Variants in KCND3 observed in about 807,000 individuals in gnomAD.
KCND3 encodes the protein potassium voltage-gated channel subfamily D member 3, also known as A-type voltage-gated potassium channel KCND3.
KCND3 carries 9 observed loss-of-function variants against 51.1 expected under a neutral mutation model. The ratio of observed to expected loss-of-function variants is 0.18; its 90% confidence interval spans 0.11 to 0.31. The LOEUF is 0.31. Ranked by LOEUF, KCND3 falls within the 10% of genes least tolerant of loss-of-function variation. The probability of loss-of-function intolerance (pLI) is 1.00; values close to 1 mark genes in which losing one functional copy is unlikely to be tolerated. For missense variants in KCND3, 526 were observed against 903.8 expected (o/e 0.58, Z 5.36); for synonymous variants, 349 against 368.0 (o/e 0.95, Z 0.59).
chr1:111,901,981 G>A (rs984731084), intron 2 of KCND3, among the ~76,000 whole-genome samples: 14 of 152,164 alleles, frequency 9.2e-5, no homozygotes, highest in African/African-American at 3.4e-4. Flanking sequence ...ACTCCATTAG[G>A]CAGCAACAAA....
rs554581268 is a variant in KCND3 at position 111,808,628 on chromosome 1, A to T, written c.1107-21522T>A. 2.6e-5 allele frequency among the ~76,000 whole-genome samples: 4 copies of T among 152,368 alleles called. No homozygotes were observed. In the South Asian group the frequency reaches 8.3e-4, roughly 32 times the overall value. ...AAATACCTCAGTGTTCATGGTAAAC[A>T]GGGAGCATGCACAAGCCCTCTCAGG... On this transcript the variant is annotated intron_variant, in intron 2 of 7. Coordinates refer to ENST00000302127, the MANE Select transcript of KCND3 (RefSeq NM_001378969.1).
intron 2 of KCND3, among the ~76,000 whole-genome samples, chr1:111,863,332 TA>T (rs56387776): frequency 0.9 from 133,761 of 147,904 alleles, 60,695 homozygotes; most frequent in East Asian, 1. Flanking sequence ...TAGGAAACAG[TA>T]AAAAAAAAAA....
At chr1:111,808,594 G>A (rs1388529970) in intron 2 of KCND3, among the ~76,000 whole-genome samples, 2 of 152,302 alleles carry the variant, frequency 1.3e-5, no homozygotes, top group African/African-American at 2.4e-5. Flanking sequence ...GCAGACTAAA[G>A]GTCACAATAA....
chr1:111,945,669 G>A (rs769500701), intron 2 of KCND3, among the ~76,000 whole-genome samples: 4 of 152,196 alleles, frequency 2.6e-5, no homozygotes, highest in Non-Finnish European at 5.9e-5. Context: ...AAGTTCCAGG[G>A]CTCTTGCCTC....
intron 2 of KCND3, among the ~76,000 whole-genome samples, chr1:111,831,013 G>T (rs950396590): frequency 1.3e-5 from 2 of 152,202 alleles, no homozygotes; most frequent in Non-Finnish European, 2.9e-5. Context: ...CATGAATTTT[G>T]TGACTAAACA....
At chr1:111,816,791 C>A (rs967908150) in intron 2 of KCND3, among the ~76,000 whole-genome samples, 1 of 152,186 alleles carries the variant, frequency 6.6e-6, no homozygotes. Flanking sequence ...GATTAAGGAG[C>A]TTATATTTTT....
At chr1:111,969,143 G>C (rs763880335) in intron 2 of KCND3, among the ~76,000 whole-genome samples, 1 of 151,792 alleles carries the variant, frequency 6.6e-6, no homozygotes, top group Admixed American at 6.6e-5. Flanking sequence ...TGCCTGCCAC[G>C]GGTGTCCATA....
At chr1:111,904,745 A>T (rs1230345182) in intron 2 of KCND3, among the ~76,000 whole-genome samples, 10 of 152,158 alleles carry the variant, frequency 6.6e-5, no homozygotes, top group African/African-American at 2.2e-4. Context: ...CCTTATCTGC[A>T]CCTGCCGCCG....
intron 1 of KCND3, among the ~76,000 whole-genome samples, chr1:111,986,076 A>C (rs764326034): frequency 6.6e-6 from 1 of 152,194 alleles, no homozygotes; most frequent in African/African-American, 2.4e-5. Flanking sequence ...TAGGATTAGG[A>C]GACTTAGTAG....
intron 3 of KCND3, among the ~76,000 whole-genome samples, chr1:111,783,264 C>T (rs1027395244): frequency 1.3e-5 from 2 of 150,480 alleles, no homozygotes; most frequent in Admixed American, 1.3e-4. Context: ...AGGCAGTGGA[C>T]GATCAAGACT....
chr1:111,940,624 C>T (rs1021851693), intron 2 of KCND3, among the ~76,000 whole-genome samples: 4 of 152,200 alleles, frequency 2.6e-5, no homozygotes, highest in African/African-American at 9.7e-5. Flanking sequence ...GCTTTGCTTA[C>T]TGTAGCCTCC....
intron 2 of KCND3, among the ~76,000 whole-genome samples, chr1:111,812,492 C>T (rs984495479): frequency 6.6e-6 from 1 of 152,194 alleles, no homozygotes; most frequent in Non-Finnish European, 1.5e-5. Flanking sequence ...ACAAAGTAGA[C>T]AATCATAAAA....
At chr1:111,895,465 C>T (rs973809546) in intron 2 of KCND3, among the ~76,000 whole-genome samples, 1 of 152,188 alleles carries the variant, frequency 6.6e-6, no homozygotes, top group Non-Finnish European at 1.5e-5. Context: ...TATTTGGAGA[C>T]GAAGCAAAAA....
chr1:111,799,576 T>C (rs1309706187), intron 2 of KCND3, among the ~76,000 whole-genome samples: 1 of 152,190 alleles, frequency 6.6e-6, no homozygotes, highest in Admixed American at 6.5e-5. Context: ...AAGAAGTTCT[T>C]GTACCTGAGT....
intron 2 of KCND3, among the ~76,000 whole-genome samples, chr1:111,947,417 G>A (rs1488381970): frequency 3.3e-5 from 5 of 152,210 alleles, no homozygotes; most frequent in Admixed American, 3.3e-4. Flanking sequence ...ACTTTAAAAT[G>A]TATAATGTAC....
chr1:111,953,646 G>A (rs1276265837), intron 2 of KCND3, among the ~76,000 whole-genome samples: 1 of 152,236 alleles, frequency 6.6e-6, no homozygotes, highest in African/African-American at 2.4e-5. Flanking sequence ...AAGGAGCTGT[G>A]TAGGCTTCCT....
chr1:111,953,246 T>C (rs1485622596), intron 2 of KCND3, among the ~76,000 whole-genome samples: 1 of 151,768 alleles, frequency 6.6e-6, no homozygotes, highest in African/African-American at 2.4e-5. Context: ...ATCAATGAGG[T>C]TGGAGAGAAA....
At chr1:111,889,038 G>C (rs958079318) in intron 2 of KCND3, among the ~76,000 whole-genome samples, 5 of 152,160 alleles carry the variant, frequency 3.3e-5, no homozygotes, top group African/African-American at 4.8e-5. Flanking sequence ...TCATCACTGG[G>C]ACTTCTTTAG....
chr1:111,908,652 C>T (rs1041817841), intron 2 of KCND3, among the ~76,000 whole-genome samples: 7 of 152,280 alleles, frequency 4.6e-5, no homozygotes, highest in South Asian at 4.2e-4. Flanking sequence ...ACTTCTCTCC[C>T]GTGTTCCAGT....
Sources: gnomAD v4.1 joint callset for allele counts (sites outside exome capture counted in the v4.1 genomes callset) on GRCh38, gnomAD v4.1.1 for gene constraint, MANE v1.5 for transcripts, NCBI Gene and HGNC (gene_info 2026-07-23, HGNC 2026-07-21) for gene names.